Variants in ADGRB3 observed in about 807,000 individuals in gnomAD.
ADGRB3 encodes the protein adhesion G protein-coupled receptor B3.
In ADGRB3, 37 loss-of-function variants were observed where a neutral mutation model predicts 193.4. The observed-to-expected ratio is 0.19, with a 90% CI of 0.15 to 0.25. The LOEUF (loss-of-function observed/expected upper bound fraction) is 0.25. Among genes scored for constraint, ADGRB3 ranks in the 10% least tolerant of loss-of-function variants. The pLI, the probability that ADGRB3 is intolerant of heterozygous loss-of-function variation, is 1.00. For synonymous variants in ADGRB3, 690 were observed against 644.2 expected, an observed-to-expected ratio of 1.07 and a Z score of -1.08; for missense variants, 1,637 against 1,852.9, an observed-to-expected ratio of 0.88 and a Z score of 2.14.
intron 17 of ADGRB3, among the ~76,000 whole-genome samples, chr6:69,172,465 A>G (rs1355852107): frequency 2.0e-5 from 3 of 151,516 alleles, no homozygotes; most frequent in Non-Finnish European, 4.4e-5. Flanking sequence ...AACACGGTGA[A>G]ACCCCGTCTC....
chr6:68,795,434 T>A (rs1443751208), intron 3 of ADGRB3, among the ~76,000 whole-genome samples: 1 of 152,096 alleles, frequency 6.6e-6, no homozygotes, highest in African/African-American at 2.4e-5. Flanking sequence ...AAAGATTGAT[T>A]ACACATTCAG....
chr6:69,167,027 A>G (rs1775146418), intron 17 of ADGRB3, among the ~76,000 whole-genome samples: 2 of 152,104 alleles, frequency 1.3e-5, no homozygotes, highest in Admixed American at 1.3e-4. Flanking sequence ...CATTTTGTAC[A>G]TCTTTGTTCT....
intron 6 of ADGRB3, 110 bp from the exon 7 acceptor site, chr6:68,955,914 A>C: frequency 9.7e-7 from 1 of 1,032,746 alleles, no homozygotes; most frequent in Non-Finnish European, 1.4e-6. Context: ...GTATTCATTC[A>C]TAGTCCATTG....
chr6:68,769,181 A>T (rs968588001), intron 3 of ADGRB3, among the ~76,000 whole-genome samples: 1 of 152,228 alleles, frequency 6.6e-6, no homozygotes, highest in Non-Finnish European at 1.5e-5. Context: ...CAGCAGTCCC[A>T]TCACTGGGTA....
At chr6:68,990,309 C>CCT (rs987223133) in intron 10 of ADGRB3, among the ~76,000 whole-genome samples, 4 of 152,050 alleles carry the variant, frequency 2.6e-5, no homozygotes, top group African/African-American at 9.7e-5. Flanking sequence ...TGGACAGAAA[C>CCT]GTATGTTATT....
chr6:69,305,366 A>G (rs1336018306), intron 20 of ADGRB3, among the ~76,000 whole-genome samples: 1 of 151,482 alleles, frequency 6.6e-6, no homozygotes, highest in African/African-American at 2.4e-5. Context: ...GACAAAATAT[A>G]CTTTTTTGGC....
At chr6:68,807,039 C>T (rs1239114365) in intron 3 of ADGRB3, among the ~76,000 whole-genome samples, 1 of 152,032 alleles carries the variant, frequency 6.6e-6, no homozygotes, top group Non-Finnish European at 1.5e-5. Context: ...TGATGTAACA[C>T]AACTTAACTT....
intron 3 of ADGRB3, among the ~76,000 whole-genome samples, chr6:68,851,538 A>C (rs1449128279): frequency 1.3e-5 from 2 of 151,910 alleles, no homozygotes; most frequent in African/African-American, 2.4e-5. Context: ...TTATTGAGAT[A>C]ATTATGCTGC....
At chr6:69,272,131 C>T (rs1268826777) in intron 20 of ADGRB3, among the ~76,000 whole-genome samples, 2 of 152,196 alleles carry the variant, frequency 1.3e-5, no homozygotes, top group African/African-American at 4.8e-5. Flanking sequence ...ACACATACCT[C>T]CTGGACAATT....
intron 3 of ADGRB3, among the ~76,000 whole-genome samples, chr6:68,655,567 C>G (rs1007224390): frequency 6.6e-6 from 1 of 151,670 alleles, no homozygotes; most frequent in African/African-American, 2.4e-5. Flanking sequence ...TAAAATGCCT[C>G]CTGGACTGTT....
At position 68,643,000 on chromosome 6, in the gene ADGRB3, T is replaced by C. The variant is rs547861451; in HGVS notation, c.757+3568T>C. 7.9e-5 allele frequency among the ~76,000 whole-genome samples: 12 copies of C among 152,326 alleles called. No individual in the cohort carries two copies. The South Asian group carries it at 2.3e-3, about 29-fold the overall frequency. On this transcript the variant is annotated intron_variant, in intron 3 of 31. Transcript: ENST00000370598. ...ATGTGGAATAAAAATATCTTATTTC[T>C]TACCACTTCATTTATAATAAATGAT...
At chr6:68,649,173 T>C (rs958307734) in intron 3 of ADGRB3, among the ~76,000 whole-genome samples, 1 of 152,178 alleles carries the variant, frequency 6.6e-6, no homozygotes, top group African/African-American at 2.4e-5. Context: ...CTCCCTCTTA[T>C]GTCTGGAGTA....
At chr6:68,672,451 A>G (rs1768987729) in intron 3 of ADGRB3, among the ~76,000 whole-genome samples, 1 of 151,580 alleles carries the variant, frequency 6.6e-6, no homozygotes, top group African/African-American at 2.4e-5. Flanking sequence ...ATTGGTTTTT[A>G]TATGTTATGT....
chr6:69,100,386 T>C (rs1191957352), intron 17 of ADGRB3, among the ~76,000 whole-genome samples: 1 of 152,142 alleles, frequency 6.6e-6, no homozygotes, highest in African/African-American at 2.4e-5. Flanking sequence ...TTCCAATCCA[T>C]AAAATGTTCA....
chr6:69,089,840 C>T (rs1344473793), intron 17 of ADGRB3, among the ~76,000 whole-genome samples: 1 of 152,058 alleles, frequency 6.6e-6, no homozygotes, highest in East Asian at 1.9e-4. Flanking sequence ...CTCTCCTGAC[C>T]CTCTTAGTTG....
At chr6:68,751,778 G>A (rs994612674) in intron 3 of ADGRB3, among the ~76,000 whole-genome samples, 1 of 152,078 alleles carries the variant, frequency 6.6e-6, no homozygotes, top group Non-Finnish European at 1.5e-5. Context: ...CATGTCTATT[G>A]AGAACACAAA....
At chr6:68,894,903 G>A (rs191130988) in intron 3 of ADGRB3, among the ~76,000 whole-genome samples, 5 of 151,586 alleles carry the variant, frequency 3.3e-5, no homozygotes, top group Admixed American at 1.3e-4. Flanking sequence ...TTTATAATCA[G>A]ACAAGATCCC....
chr6:68,953,936 A>G (rs1163611648), intron 6 of ADGRB3, among the ~76,000 whole-genome samples: 2 of 152,236 alleles, frequency 1.3e-5, no homozygotes, highest in African/African-American at 4.8e-5. Flanking sequence ...ACTAAGAACA[A>G]TGAACTGATC....
At chr6:68,960,503 T>C (rs1249198924) in intron 8 of ADGRB3, among the ~76,000 whole-genome samples, 2 of 152,088 alleles carry the variant, frequency 1.3e-5, no homozygotes, top group Non-Finnish European at 2.9e-5. Context: ...GTGATCCCCA[T>C]CCCCACCCTG....
Sources: gnomAD v4.1 joint callset for allele counts (sites outside exome capture counted in the v4.1 genomes callset) on GRCh38, gnomAD v4.1.1 for gene constraint, MANE v1.5 for transcripts, NCBI Gene and HGNC (gene_info 2026-07-23, HGNC 2026-07-21) for gene names.